Variants in TEX26 observed in about 807,000 individuals in gnomAD.
The protein encoded by TEX26 is testis-expressed protein 26.
TEX26 carries 34 observed loss-of-function variants against 35.3 expected under a neutral mutation model. The observed-to-expected ratio is 0.96, with a 90% confidence interval of 0.73 to 1.28. TEX26 has a LOEUF of 1.28. Among genes scored for constraint, TEX26 ranks in the 50% most tolerant of loss-of-function variants. The pLI, the probability that TEX26 is intolerant of heterozygous loss-of-function variation, is 0.00. For missense variants in TEX26, 371 were observed against 330.1 expected (o/e 1.12, Z -0.96); for synonymous variants, 136 against 111.8 (o/e 1.22, Z -1.36).
rs1404042212 is a variant in TEX26 at position 30,939,786 on chromosome 13, A to G, written c.146+8A>G. On this transcript the variant is annotated splice_region_variant and intron_variant, in intron 2 of 6. Transcript: ENST00000380473. ...AGTGCCTGCCTTAATTCGGTAGATC[A>G]TTATTTGTGTTGGATTGATATACAT... The G allele has an allele frequency of 2.5e-6, 4 of 1,610,800 alleles. No homozygotes were observed. The East Asian group carries it at 6.7e-5, about 27-fold the overall frequency.
chr13:30,935,851 C>T (rs926453064), intron 1 of TEX26, among the ~76,000 whole-genome samples: 1 of 152,226 alleles, frequency 6.6e-6, no homozygotes, highest in Non-Finnish European at 1.5e-5. Flanking sequence ...CTGGCAAAGG[C>T]ACTGCAGCCA....
intron 4 of TEX26, among the ~76,000 whole-genome samples, chr13:30,958,225 G>A (rs1448914184): frequency 6.6e-6 from 1 of 152,184 alleles, no homozygotes; most frequent in Non-Finnish European, 1.5e-5. Context: ...TCAAAAATGA[G>A]TTCCATCTAT....
intron 4 of TEX26, 132 bp downstream of exon 4, chr13:30,957,161 A>G (rs1309491674): frequency 4.3e-5 from 37 of 865,214 alleles, no homozygotes; most frequent in South Asian, 5.7e-5. Flanking sequence ...CGACTTTGCA[A>G]ATAAAAACCA....
intron 4 of TEX26, among the ~76,000 whole-genome samples, chr13:30,961,777 A>G (rs911057010): frequency 6.6e-6 from 1 of 152,140 alleles, no homozygotes; most frequent in African/African-American, 2.4e-5. Flanking sequence ...TTTGAGCATC[A>G]TTTAACTGTG....
At chr13:30,934,826 C>T (rs553357615) in intron 1 of TEX26, among the ~76,000 whole-genome samples, 1 of 152,342 alleles carries the variant, frequency 6.6e-6, no homozygotes, top group African/African-American at 2.4e-5. Flanking sequence ...CTGGGCGAGG[C>T]TACAGCCACC....
chr13:30,974,236 G>A (rs191657407), intron 6 of TEX26, among the ~76,000 whole-genome samples: 2 of 150,520 alleles, frequency 1.3e-5, no homozygotes, highest in East Asian at 1.9e-4. Flanking sequence ...AGGCCAGGGA[G>A]GGGGAGTTGA....
intron 2 of TEX26, among the ~76,000 whole-genome samples, chr13:30,946,107 A>C (rs1349064233): frequency 6.6e-6 from 1 of 151,866 alleles, no homozygotes; most frequent in Non-Finnish European, 1.5e-5. Context: ...AGATTTGGCC[A>C]TTCTACATAA....
rs774981912 is a variant in TEX26, at chr13:30,966,280, A to G, written c.528A>G (p.Gln176=). The G allele has an allele frequency of 1.9e-6, 3 of 1,613,938 alleles. No individual in the cohort carries two copies. Among genetic ancestry groups the G allele is most frequent in the East Asian group, 2.2e-5 (1 of 44,862 alleles). Residue 176 remains glutamine, a synonymous_variant, in exon 5 of 7, where the codon CAA becomes CAG. Coordinates refer to ENST00000380473, the MANE Select transcript of TEX26 (RefSeq NM_152325.3). The part of the protein sequence containing the change: ...LSLEWKKLLP[Q]PPDTEFRRNY... ...TGGAATGGAAAAAGTTACTTCCCCA[A>G]CCTCCAGACACTGAATTCCGAAGGA...
At chr13:30,944,744 T>C (rs1953640761) in intron 2 of TEX26, among the ~76,000 whole-genome samples, 1 of 152,082 alleles carries the variant, frequency 6.6e-6, no homozygotes, top group Non-Finnish European at 1.5e-5. Context: ...TATGTATTTG[T>C]ATAGTTTTGA....
intron 6 of TEX26, among the ~76,000 whole-genome samples, chr13:30,973,670 G>A (rs932642181): frequency 6.6e-6 from 1 of 152,152 alleles, no homozygotes; most frequent in Middle Eastern, 3.4e-3. Flanking sequence ...ACACACAAAC[G>A]CACACACAGA....
At chr13:30,966,002 G>A (rs1029988960) in intron 4 of TEX26, among the ~76,000 whole-genome samples, 2 of 152,138 alleles carry the variant, frequency 1.3e-5, no homozygotes, top group Non-Finnish European at 1.5e-5. Context: ...AGTGTCTTCT[G>A]TGCCCACTGA....
At chr13:30,963,711 T>A (rs2138313636) in intron 4 of TEX26, among the ~76,000 whole-genome samples, 1 of 152,288 alleles carries the variant, frequency 6.6e-6, no homozygotes, top group East Asian at 1.9e-4. Context: ...CAATGAAGAG[T>A]GAGACTCTTT....
At chr13:30,940,823 A>G (rs1242114437) in intron 2 of TEX26, among the ~76,000 whole-genome samples, 1 of 152,066 alleles carries the variant, frequency 6.6e-6, no homozygotes, top group East Asian at 1.9e-4. Flanking sequence ...TTGTAATCCC[A>G]GCTACTCGGG....
At chr13:30,939,194 CAT>C (rs973029268) in intron 1 of TEX26, among the ~76,000 whole-genome samples, 1 of 152,160 alleles carries the variant, frequency 6.6e-6, no homozygotes, top group Non-Finnish European at 1.5e-5. Context: ...AAATTGTTAA[CAT>C]GTGCTGCCTG....
intron 6 of TEX26, 43 bp from the exon 7 acceptor site, chr13:30,974,803 C>T: frequency 6.7e-7 from 1 of 1,492,362 alleles, no homozygotes; most frequent in Non-Finnish European, 8.9e-7. Flanking sequence ...CATTTAAATA[C>T]TTACGTGAAA....
intron 3 of TEX26, among the ~76,000 whole-genome samples, chr13:30,955,257 G>T (rs1161192108): frequency 6.6e-6 from 1 of 152,174 alleles, no homozygotes; most frequent in Admixed American, 6.5e-5. Flanking sequence ...AAGCCATCCT[G>T]GGTGGGGCCA....
At chr13:30,974,131 A>AATATATATATATAT (rs1555271791) in intron 6 of TEX26, among the ~76,000 whole-genome samples, 2 of 84,430 alleles carry the variant, frequency 2.4e-5, no homozygotes, top group Non-Finnish European at 4.5e-5. Flanking sequence ...AAAAAAAAAA[A>AATATATATATATAT]ATATATATAT....
chr13:30,950,090 G>A (rs924136133), intron 2 of TEX26, among the ~76,000 whole-genome samples: 1 of 152,116 alleles, frequency 6.6e-6, no homozygotes, highest in Non-Finnish European at 1.5e-5. Flanking sequence ...GTTTTATCCA[G>A]TGAATCTTTA....
intron 4 of TEX26, among the ~76,000 whole-genome samples, chr13:30,963,944 A>G (rs1954439197): frequency 6.6e-6 from 1 of 152,070 alleles, no homozygotes. Flanking sequence ...CAGACTCTTC[A>G]CAGCCTGGCC....
Sources: gnomAD v4.1 joint callset for allele counts (sites outside exome capture counted in the v4.1 genomes callset) on GRCh38, gnomAD v4.1.1 for gene constraint, MANE v1.5 for transcripts, NCBI Gene and HGNC (gene_info 2026-07-23, HGNC 2026-07-21) for gene names.